The following DLC1 variants were observed in gnomAD, a reference collection of about 807,000 sequenced individuals.
DLC1 encodes rho GTPase-activating protein 7.
Under a neutral mutation model 140.3 loss-of-function variants are expected in DLC1, and 54 were observed. The ratio of observed to expected loss-of-function variants is 0.38; its 90% CI spans 0.31 to 0.48. The LOEUF (loss-of-function observed/expected upper bound fraction) is 0.48, where lower values mean the gene tolerates loss of function less well. Ranked by LOEUF, DLC1 falls within the 20% of genes least tolerant of loss-of-function variation. DLC1 has a pLI of 0.96. For synonymous variants in DLC1, 986 were observed against 728.1 expected (o/e 1.35, Z -5.70); for missense variants, 2,536 against 1,907.0 (o/e 1.33, Z -6.14).
rs780378794 is a variant in DLC1, at chr8:13,499,145, C to A, written c.927G>T (p.Lys309Asn). ...ACTGCATGCCATCTTCTGCCTTGAC[C>A]TTTGGTGGACTTTTGTTTTGATGTT... Reference protein sequence around the residue: ...FSQHQNKSPPKVKAEDGMQCL... With the variant: ...FSQHQNKSPPNVKAEDGMQCL... Residue 309 changes from lysine (K) to asparagine (N), a missense_variant, in exon 2 of 18, where the codon AAG becomes AAT. Transcript: ENST00000276297. The A allele has an allele frequency of 1.2e-6, 2 of 1,614,160 alleles. No homozygotes were observed. The highest frequency in any genetic ancestry group is 2.2e-5 in the South Asian group (2 of 91,088).
At chr8:13,285,925 G>A (rs1197145018) in intron 5 of DLC1, among the ~76,000 whole-genome samples, 1 of 152,096 alleles carries the variant, frequency 6.6e-6, no homozygotes, top group East Asian at 1.9e-4. Flanking sequence ...GGTGAATGTG[G>A]GATGAGATTA....
At chr8:13,577,180 T>C (rs2117430951) in intron 1 of DLC1, among the ~76,000 whole-genome samples, 1 of 152,286 alleles carries the variant, frequency 6.6e-6, no homozygotes, top group Non-Finnish European at 1.5e-5. Flanking sequence ...CTTCCGACAT[T>C]GGACTTTATA....
rs182655435 is a variant in DLC1 at position 13,436,934 on chromosome 8, T to A, written c.1024-35315A>T. On this transcript the variant is annotated intron_variant, in intron 2 of 17. Transcript: ENST00000276297. ...GGGACTCCATCAATCTTATTTTTCG[T>A]TTCTAAGAGGAATGGGAAAAAATGA... Among the ~76,000 whole-genome samples the A allele has an allele frequency of 3.2e-3, 489 of 152,346 alleles. 11 individuals are homozygous for A. In the South Asian group the frequency reaches 0.059, roughly 18 times the overall value.
intron 5 of DLC1, among the ~76,000 whole-genome samples, chr8:13,235,252 T>C (rs1829226188): frequency 6.6e-6 from 1 of 152,078 alleles, no homozygotes; most frequent in African/African-American, 2.4e-5. Context: ...TCATATTGAC[T>C]TTGGAGGCCA....
chr8:13,180,402 G>A (rs4831894), intron 5 of DLC1, among the ~76,000 whole-genome samples: 2 of 152,086 alleles, frequency 1.3e-5, no homozygotes, highest in Non-Finnish European at 2.9e-5. Context: ...ACATTAGTTA[G>A]ATTGTCTTTA....
chr8:13,187,125 TCTC>T (rs1424362417), intron 5 of DLC1, among the ~76,000 whole-genome samples: 10 of 149,880 alleles, frequency 6.7e-5, no homozygotes, highest in Non-Finnish European at 1.2e-4. Flanking sequence ...ACATTCCCCT[TCTC>T]CTCCCCACCT....
intron 1 of DLC1, 143 bp from the exon 2 acceptor site, chr8:13,500,339 T>G (rs1031357921): frequency 3.0e-6 from 1 of 333,134 alleles, no homozygotes; most frequent in Non-Finnish European, 5.5e-6. Context: ...ATAATGTCAT[T>G]TCTTTAAGAA....
At chr8:13,305,438 C>T in intron 4 of DLC1, 136 bp from the exon 5 acceptor site, 1 of 843,282 alleles carries the variant, frequency 1.2e-6, no homozygotes, top group Non-Finnish European at 1.8e-6. Flanking sequence ...CATTTTGGAA[C>T]TATCAGTAAA....
At chr8:13,095,403 C>T (rs1818427266) in intron 10 of DLC1, 158 bp from the exon 11 acceptor site, 1 of 872,988 alleles carries the variant, frequency 1.1e-6, no homozygotes, top group South Asian at 1.7e-5. Flanking sequence ...TTCAGTTCCC[C>T]AGTGGTACTG....
chr8:13,119,610 T>A (rs1820863467), intron 5 of DLC1, among the ~76,000 whole-genome samples: 2 of 152,106 alleles, frequency 1.3e-5, no homozygotes, highest in South Asian at 4.1e-4. Context: ...ATCTCTGAGA[T>A]AAACACATGA....
chr8:13,495,588 TC>T (rs1250955393), intron 2 of DLC1, among the ~76,000 whole-genome samples: 3 of 152,232 alleles, frequency 2.0e-5, no homozygotes, highest in Admixed American at 2.0e-4. Flanking sequence ...ATATTTGTGA[TC>T]CCCTATATAC....
rs530432085 is a variant in DLC1, at chr8:13,180,035, C to T, written c.1349-64378G>A. The stretch of plus-strand genomic sequence containing the variant: ...TTGTGATATCAGTGGTTGCTCTAGA[C>T]GTAAGCCTTGATCTTGTGGTGGAAT... On this transcript the variant is annotated intron_variant, in intron 5 of 17. Coordinates refer to ENST00000276297, the MANE Select transcript of DLC1 (RefSeq NM_182643.3). Among the ~76,000 whole-genome samples, 14 of 152,246 alleles carry T rather than the reference C, an allele frequency of 9.2e-5. No individual in the cohort carries two copies. The South Asian group carries it at 1.5e-3, about 16-fold the overall frequency.
rs1563383401 is a variant in DLC1, at chr8:13,479,829, G to GAGAAAAAGAAAGAAAGAAAGA, written c.1023+19219_1023+19220insTCTTTCTTTCTTTCTTTTTCT. ...AGAAGAAGAAGAAGAAGAAGAAGAA[G>GAGAAAAAGAAAGAAAGAAAGA]AAGAAGAAGAAGAAGAAGAAGAAGA... On this transcript the variant is annotated intron_variant, in intron 2 of 17. Transcript: ENST00000276297. Among the ~76,000 whole-genome samples the GAGAAAAAGAAAGAAAGAAAGA allele has an allele frequency of 1.9e-3, 61 of 32,948 alleles. 2 individuals carry two copies. Among genetic ancestry groups the GAGAAAAAGAAAGAAAGAAAGA allele is most frequent in the Middle Eastern group, 0.019 (1 of 52 alleles). The allele number at this position is 32,948 out of a possible 152,430, so 21.6% of individuals were successfully genotyped here.
intron 5 of DLC1, among the ~76,000 whole-genome samples, chr8:13,180,626 G>C (rs141783622): frequency 0.011 from 1,610 of 151,796 alleles, 36 homozygotes; most frequent in African/African-American, 0.036. Context: ...GCATCATGTA[G>C]AACTGGTCAC....
At chr8:13,196,654 C>G (rs1189719721) in intron 5 of DLC1, among the ~76,000 whole-genome samples, 1 of 152,224 alleles carries the variant, frequency 6.6e-6, no homozygotes, top group Admixed American at 6.5e-5. Flanking sequence ...GAAACAAGTT[C>G]TCCAGGGAAA....
intron 1 of DLC1, among the ~76,000 whole-genome samples, chr8:13,571,140 TACGA>T (rs1251406144): frequency 6.6e-6 from 1 of 152,210 alleles, no homozygotes; most frequent in African/African-American, 2.4e-5. Flanking sequence ...TTTATGCAAA[TACGA>T]ACACCAAAGA....
At chr8:13,582,526 A>G (rs765024170) in intron 1 of DLC1, among the ~76,000 whole-genome samples, 1 of 152,054 alleles carries the variant, frequency 6.6e-6, no homozygotes, top group Non-Finnish European at 1.5e-5. Context: ...CTGGGCTCCC[A>G]GCCTATATAT....
intron 9 of DLC1, 127 bp downstream of exon 9, chr8:13,099,220 C>G (rs765624799): frequency 1.1e-4 from 161 of 1,463,110 alleles, no homozygotes; most frequent in Non-Finnish European, 1.3e-4. Flanking sequence ...TGGTTTGACA[C>G]CTTCCTTAGG....
chr8:13,315,794 A>T (rs1020210493), intron 4 of DLC1, among the ~76,000 whole-genome samples: 1 of 152,186 alleles, frequency 6.6e-6, no homozygotes, highest in African/African-American at 2.4e-5. Flanking sequence ...TTTGCCTGGG[A>T]TAATCTTGAT....
Sources: gnomAD v4.1 joint callset for allele counts (sites outside exome capture counted in the v4.1 genomes callset) on GRCh38, gnomAD v4.1.1 for gene constraint, MANE v1.5 for transcripts, NCBI Gene and HGNC (gene_info 2026-07-23, HGNC 2026-07-21) for gene names.